The following VOPP1 variants were observed in gnomAD, a reference collection of about 807,000 sequenced individuals.
VOPP1 encodes the protein WW domain binding protein VOPP1.
Under a neutral mutation model 23.5 loss-of-function variants are expected in VOPP1, and 8 were observed. The ratio of observed to expected loss-of-function variants is 0.34; its 90% CI spans 0.20 to 0.61. The LOEUF is 0.61. Among genes scored for constraint, VOPP1 ranks in the 20% least tolerant of loss-of-function variants. The pLI is 0.78. For missense variants in VOPP1, 174 were observed against 238.1 expected, an observed-to-expected ratio of 0.73 and a Z score of 1.77; for synonymous variants, 83 against 97.3, an observed-to-expected ratio of 0.85 and a Z score of 0.86.
intron 1 of VOPP1, among the ~76,000 whole-genome samples, chr7:55,523,267 T>C (rs1414155999): frequency 1.3e-5 from 2 of 152,294 alleles, no homozygotes; most frequent in East Asian, 1.9e-4. Flanking sequence ...CCATCCTTGA[T>C]GCAAAAGGAA....
At chr7:55,438,374 G>A (rs1010308187) in intron 4 of VOPP1, among the ~76,000 whole-genome samples, 3 of 152,154 alleles carry the variant, frequency 2.0e-5, no homozygotes, top group Non-Finnish European at 2.9e-5. Context: ...CAGTCTAGCA[G>A]TTGGAGACAG....
At chr7:55,537,763 C>G in intron 1 of VOPP1, 2 of 1,348,894 alleles carry the variant, frequency 1.5e-6, no homozygotes, top group Non-Finnish European at 1.9e-6. Context: ...GGTCCGGCCC[C>G]CAGGCCCAGG....
At chr7:55,454,294 G>C (rs935293812) in intron 4 of VOPP1, among the ~76,000 whole-genome samples, 21 of 152,158 alleles carry the variant, frequency 1.4e-4, no homozygotes, top group Admixed American at 3.9e-4. Flanking sequence ...TTCTGAAACT[G>C]AGGCAGCAAT....
intron 4 of VOPP1, among the ~76,000 whole-genome samples, chr7:55,484,160 C>T (rs1792954668): frequency 6.6e-6 from 1 of 152,188 alleles, no homozygotes. Flanking sequence ...TGTTTCCTTG[C>T]TGTTTCTTAT....
At chr7:55,526,560 G>A (rs1346400155) in intron 1 of VOPP1, among the ~76,000 whole-genome samples, 1 of 152,204 alleles carries the variant, frequency 6.6e-6, no homozygotes, top group African/African-American at 2.4e-5. Context: ...TGAAGCTCGT[G>A]ACTCTGGGAC....
At chr7:55,493,532 G>A (rs539750114) in intron 3 of VOPP1, among the ~76,000 whole-genome samples, 29 of 152,382 alleles carry the variant, frequency 1.9e-4, no homozygotes, top group Non-Finnish European at 4.1e-4. Flanking sequence ...AGGCTGAGCA[G>A]GGAGAAAAGC....
intron 2 of VOPP1, among the ~76,000 whole-genome samples, chr7:55,500,691 C>G (rs1453533780): frequency 1.3e-5 from 2 of 152,222 alleles, no homozygotes; most frequent in Non-Finnish European, 2.9e-5. Context: ...TATCTTACAC[C>G]AGGCTAAATG....
rs6969130 is a variant in VOPP1 at position 55,472,439 on chromosome 7, G to A, written c.*416C>T. 0.22 allele frequency: 33,755 copies of A among 155,062 alleles called. 4,397 individuals carry two copies. The highest frequency in any genetic ancestry group is 0.36 in the African/African-American group (14,834 of 41,532). The allele number at this position is 155,062 out of a possible 1,614,324, so 9.6% of individuals were successfully genotyped here. A position where few individuals can be genotyped will look rare whatever the true frequency, so the allele number is the denominator to read the frequency against. On this transcript the variant is annotated 3_prime_UTR_variant, in exon 5 of 5. Transcript: ENST00000285279. ...TCAGTCGGCTGCTGCTTCATCGGCT[G>A]AGCCGCCCGGCATGGGGCTTCCTAT... is the stretch of plus-strand genomic sequence containing the variant.
intron 1 of VOPP1, chr7:55,526,966 T>G (rs920224135): frequency 1.3e-5 from 2 of 152,162 alleles, no homozygotes; most frequent in African/African-American, 2.4e-5. Context: ...CCCAGCTGCT[T>G]TCAGCTTGAG....
chr7:55,447,811 C>T (rs1331032389), intron 4 of VOPP1, among the ~76,000 whole-genome samples: 3 of 152,102 alleles, frequency 2.0e-5, no homozygotes, highest in Non-Finnish European at 2.9e-5. Flanking sequence ...TTTTGCCAAC[C>T]ATGGACCCTT....
At chr7:55,562,361 C>T (rs143953873) in intron 1 of VOPP1, among the ~76,000 whole-genome samples, 1,662 of 152,336 alleles carry the variant, frequency 0.011, 11 homozygotes, top group Middle Eastern at 0.024. Context: ...ACCTCCCTCC[C>T]ATTTCTAGTC....
At chr7:55,501,329 A>G (rs1031249287) in intron 2 of VOPP1, among the ~76,000 whole-genome samples, 4 of 152,236 alleles carry the variant, frequency 2.6e-5, no homozygotes, top group African/African-American at 4.8e-5. Context: ...ATCCACACAC[A>G]TGCACAAAAA....
intron 4 of VOPP1, among the ~76,000 whole-genome samples, chr7:55,451,278 G>C (rs1791236886): frequency 6.6e-6 from 1 of 152,162 alleles, no homozygotes; most frequent in Non-Finnish European, 1.5e-5. Context: ...AAGTTATGGG[G>C]TAGGGGGCAA....
chr7:55,521,129 C>A lies in VOPP1; in HGVS notation c.56G>T (p.Cys19Phe), dbSNP rs766447273. 2 of 1,577,084 alleles carry A rather than the reference C, an allele frequency of 1.3e-6. No homozygotes were observed. The highest frequency in any genetic ancestry group is 2.7e-5 in the African/African-American group (2 of 74,288). ...CCAGCAATGCTTTTTGGCTTCTGTG[C>A]ACTGCAAATAGAAGCAAGAAAAAGT... ...AALLLGLLLE[C>F]TEAKKHCWYF... The change falls in exon 2 of 5, where the codon TGC (cysteine) becomes TTC (phenylalanine). Residue 19 changes from cysteine (C) to phenylalanine (F), a missense_variant and splice_region_variant. Coordinates refer to ENST00000285279, the MANE Select transcript of VOPP1 (RefSeq NM_030796.5).
At chr7:55,562,637 A>C (rs1798026614) in intron 1 of VOPP1, among the ~76,000 whole-genome samples, 1 of 152,184 alleles carries the variant, frequency 6.6e-6, no homozygotes, top group Non-Finnish European at 1.5e-5. Flanking sequence ...AATTGCTAAG[A>C]GGAGAGGCAT....
chr7:55,485,687 G>A (rs1389610911), intron 4 of VOPP1, among the ~76,000 whole-genome samples: 4 of 152,198 alleles, frequency 2.6e-5, no homozygotes, highest in Non-Finnish European at 2.9e-5. Context: ...CAGGGCGCCC[G>A]CACACGGGAC....
chr7:55,550,603 T>C (rs970425627), intron 1 of VOPP1, among the ~76,000 whole-genome samples: 5 of 152,124 alleles, frequency 3.3e-5, no homozygotes, highest in African/African-American at 4.8e-5. Context: ...TCTTACAATA[T>C]ATAAAAACGG....
intron 1 of VOPP1, among the ~76,000 whole-genome samples, chr7:55,542,024 T>C (rs1200580625): frequency 1.3e-5 from 2 of 152,192 alleles, no homozygotes; most frequent in African/African-American, 4.8e-5. Flanking sequence ...TATCAAAAAT[T>C]AAATCATACA....
chr7:55,513,513 G>A (rs984003901), intron 2 of VOPP1, among the ~76,000 whole-genome samples: 2 of 152,052 alleles, frequency 1.3e-5, no homozygotes, highest in Non-Finnish European at 2.9e-5. Flanking sequence ...TAGATCTGAA[G>A]GAAAAACTAA....
Sources: gnomAD v4.1 joint callset for allele counts (sites outside exome capture counted in the v4.1 genomes callset) on GRCh38, gnomAD v4.1.1 for gene constraint, MANE v1.5 for transcripts, NCBI Gene and HGNC (gene_info 2026-07-23, HGNC 2026-07-21) for gene names.